The following DISC1 variants were observed in gnomAD, a reference collection of about 807,000 sequenced individuals.
DISC1 encodes the protein DISC1 scaffold protein.
DISC1 carries 57 observed loss-of-function variants against 84.5 expected under a neutral mutation model. That is an observed-to-expected ratio of 0.67 (90% CI 0.55 to 0.84). The LOEUF is 0.84. DISC1 is among the 40% of genes least tolerant of loss of function. The pLI, the probability that DISC1 is intolerant of heterozygous loss-of-function variation, is 0.00. For synonymous variants in DISC1, 411 were observed against 415.2 expected (o/e 0.99, Z 0.12); for missense variants, 1,000 against 1,057.8 (o/e 0.95, Z 0.76).
chr1:231,833,393 C>T (rs1018567996), intron 9 of DISC1, among the ~76,000 whole-genome samples: 3 of 151,548 alleles, frequency 2.0e-5, no homozygotes, highest in Non-Finnish European at 2.9e-5. Context: ...AGGACTTACC[C>T]TCCACTGTGA....
intron 1 of DISC1, among the ~76,000 whole-genome samples, chr1:231,684,330 C>T (rs1293368718): frequency 2.6e-5 from 4 of 151,816 alleles, no homozygotes; most frequent in East Asian, 3.9e-4. Flanking sequence ...AAATATTTCA[C>T]GGTTATAAAA....
At chr1:231,641,238 G>C (rs560040654) in intron 1 of DISC1, among the ~76,000 whole-genome samples, 50 of 152,312 alleles carry the variant, frequency 3.3e-4, no homozygotes, top group African/African-American at 1.2e-3. Context: ...GGACCCTCGC[G>C]GTGAGTGTTA....
intron 9 of DISC1, among the ~76,000 whole-genome samples, chr1:231,840,601 C>G (rs987032909): frequency 2.0e-5 from 3 of 152,118 alleles, no homozygotes; most frequent in Non-Finnish European, 4.4e-5. Flanking sequence ...GAAAAGAGAC[C>G]TCTAAGGGCA....
At chr1:231,795,038 A>T (rs2078649506) in intron 6 of DISC1, among the ~76,000 whole-genome samples, 1 of 152,198 alleles carries the variant, frequency 6.6e-6, no homozygotes, top group Non-Finnish European at 1.5e-5. Flanking sequence ...TAGCTTTAGT[A>T]AGGCATAATA....
At chr1:231,726,888 C>T (rs1418609871) in intron 3 of DISC1, among the ~76,000 whole-genome samples, 2 of 152,118 alleles carry the variant, frequency 1.3e-5, no homozygotes, top group Non-Finnish European at 2.9e-5. Flanking sequence ...CTATGATGGA[C>T]AAATAAGGGT....
At chr1:231,784,262 C>CAAAA (rs71648875) in intron 6 of DISC1, among the ~76,000 whole-genome samples, 1 of 106,140 alleles carries the variant, frequency 9.4e-6, no homozygotes. Flanking sequence ...GACTCCGTCT[C>CAAAA]AAAAAAAAAA....
intron 3 of DISC1, among the ~76,000 whole-genome samples, chr1:231,736,965 A>G (rs2072592779): frequency 6.6e-6 from 1 of 152,202 alleles, no homozygotes; most frequent in Non-Finnish European, 1.5e-5. Context: ...ATAAATGCTT[A>G]TTTGATTATT....
chr1:231,777,413 G>A (rs2077039575), intron 6 of DISC1, among the ~76,000 whole-genome samples: 1 of 151,992 alleles, frequency 6.6e-6, no homozygotes, highest in Non-Finnish European at 1.5e-5. Flanking sequence ...TAGAGATGGG[G>A]GTCTTGCTAT....
At chr1:231,672,836 G>T (rs2062755445) in intron 1 of DISC1, among the ~76,000 whole-genome samples, 1 of 152,194 alleles carries the variant, frequency 6.6e-6, no homozygotes, top group African/African-American at 2.4e-5. Flanking sequence ...GATACCTGTT[G>T]TTCCTTAACT....
At chr1:231,765,703 A>G (rs900486470) in intron 4 of DISC1, among the ~76,000 whole-genome samples, 2 of 152,224 alleles carry the variant, frequency 1.3e-5, no homozygotes, top group East Asian at 3.8e-4. Context: ...GCTCACCAAC[A>G]TAAGGCCCAA....
At chr1:231,941,921 C>T (rs902317376) in intron 9 of DISC1, among the ~76,000 whole-genome samples, 1 of 152,138 alleles carries the variant, frequency 6.6e-6, no homozygotes, top group East Asian at 1.9e-4. Context: ...CCCTCAAAGG[C>T]GGGAACATTT....
intron 9 of DISC1, among the ~76,000 whole-genome samples, chr1:231,916,290 C>T (rs1436638117): frequency 6.6e-6 from 1 of 152,134 alleles, no homozygotes; most frequent in Admixed American, 6.5e-5. Context: ...CTTCTGTGAC[C>T]TACAGAAGCA....
intron 9 of DISC1, chr1:231,943,716 C>T (rs1572228552): frequency 6.8e-6 from 1 of 147,146 alleles, no homozygotes; most frequent in South Asian, 2.2e-4. Context: ...CATGACTTGA[C>T]AATATGACTT....
At chr1:231,778,136 C>T (rs1460519278) in intron 6 of DISC1, among the ~76,000 whole-genome samples, 1 of 152,102 alleles carries the variant, frequency 6.6e-6, no homozygotes, top group Non-Finnish European at 1.5e-5. Flanking sequence ...TGGATTGGAG[C>T]CAAGGTGTAT....
intron 3 of DISC1, among the ~76,000 whole-genome samples, chr1:231,733,860 G>C (rs1018552567): frequency 6.6e-6 from 1 of 151,292 alleles, no homozygotes; most frequent in Non-Finnish European, 1.5e-5. Context: ...TGATGGTAGG[G>C]GTGGTGGTGA....
chr1:231,899,212 A>G (rs1194571208), intron 9 of DISC1, among the ~76,000 whole-genome samples: 2 of 152,204 alleles, frequency 1.3e-5, no homozygotes, highest in Non-Finnish European at 2.9e-5. Flanking sequence ...GCTCTGGGAC[A>G]GTAGCTGTCA....
At chr1:231,990,382 T>C (rs821650) in intron 10 of DISC1, among the ~76,000 whole-genome samples, 53,214 of 151,444 alleles carry the variant, frequency 0.35, 10,891 homozygotes, top group African/African-American at 0.56. Context: ...CCCCTGCTCA[T>C]CCCCCACCCC....
At chr1:231,819,247 A>G in intron 9 of DISC1, 2 of 715,994 alleles carry the variant, frequency 2.8e-6, no homozygotes, top group Non-Finnish European at 3.4e-6. Flanking sequence ...TATATTTTAC[A>G]AAGTATGCTT....
At chr1:231,938,812 C>T (rs1254894935) in intron 9 of DISC1, among the ~76,000 whole-genome samples, 1 of 152,202 alleles carries the variant, frequency 6.6e-6, no homozygotes, top group Non-Finnish European at 1.5e-5. Flanking sequence ...TGCTGAATCC[C>T]AAAGCCTCAC....
Sources: allele counts gnomAD v4.1 joint callset (sites outside exome capture counted in the v4.1 genomes callset), GRCh38; gene constraint gnomAD v4.1.1; transcripts MANE v1.5; gene names NCBI Gene and HGNC (gene_info 2026-07-23, HGNC 2026-07-21).